The following ADAMTS17 variants were observed in gnomAD, a reference collection of about 807,000 sequenced individuals.
ADAMTS17 encodes the protein ADAM metallopeptidase with thrombospondin type 1 motif 17, also known as A disintegrin and metalloproteinase with thrombospondin motifs 17.
Under a neutral mutation model 141.5 loss-of-function variants are expected in ADAMTS17, and 113 were observed. The ratio of observed to expected loss-of-function variants is 0.80; its 90% CI spans 0.69 to 0.93. ADAMTS17 has a LOEUF of 0.93. Ranked by LOEUF, ADAMTS17 falls within the 40% of genes least tolerant of loss-of-function variation. The probability of loss-of-function intolerance (pLI) is 0.00; values close to 1 mark genes in which losing one functional copy is unlikely to be tolerated. For synonymous variants in ADAMTS17, 768 were observed against 630.6 expected (o/e 1.22, Z -3.27); for missense variants, 1,659 against 1,517.9 (o/e 1.09, Z -1.54).
chr15:100,147,232 C>T (rs1374932910), intron 10 of ADAMTS17, among the ~76,000 whole-genome samples: 2 of 152,114 alleles, frequency 1.3e-5, no homozygotes, highest in Non-Finnish European at 2.9e-5. Flanking sequence ...TGTACTCTGT[C>T]CCCTTATTTC....
intron 8 of ADAMTS17, among the ~76,000 whole-genome samples, chr15:100,178,621 G>C (rs1170904215): frequency 7.2e-5 from 11 of 152,068 alleles, no homozygotes; most frequent in Middle Eastern, 3.4e-3. Flanking sequence ...TACCCATTCT[G>C]TTGTTTTTTA....
intron 7 of ADAMTS17, among the ~76,000 whole-genome samples, chr15:100,239,017 G>C (rs2042745186): frequency 6.6e-6 from 1 of 152,208 alleles, no homozygotes; most frequent in South Asian, 2.1e-4. Context: ...CTTGAACCAG[G>C]AGATGGAGCT....
chr15:100,202,378 G>A (rs72755250), intron 7 of ADAMTS17, among the ~76,000 whole-genome samples: 1,688 of 152,274 alleles, frequency 0.011, 19 homozygotes, highest in Non-Finnish European at 0.018. Flanking sequence ...GTGGATCAAG[G>A]TCGAGTGCTT....
intron 19 of ADAMTS17, among the ~76,000 whole-genome samples, chr15:99,995,991 T>C (rs757383320): frequency 6.6e-6 from 1 of 151,990 alleles, no homozygotes; most frequent in Non-Finnish European, 1.5e-5. Flanking sequence ...GCTGTAATGA[T>C]AATTGATGAT....
Position 100,066,407 on chromosome 15 carries a change from C to T in ADAMTS17, c.2138-12353G>A, listed in dbSNP as rs113175096. ...ATTTTTTTTTTTAAATTATTTCATA[C>T]ATGTGGTGTTTGCTTAGTTTTACAT... On this transcript the variant is annotated intron_variant, in intron 15 of 21. Transcript: ENST00000268070. Among the ~76,000 whole-genome samples the T allele has an allele frequency of 7.5e-3, 1,140 of 151,788 alleles. 13 individuals carry two copies. Among genetic ancestry groups the T allele is most frequent in the African/African-American group, 0.026 (1,088 of 41,356 alleles).
At chr15:100,246,971 T>C (rs1381179951) in intron 7 of ADAMTS17, among the ~76,000 whole-genome samples, 2 of 152,060 alleles carry the variant, frequency 1.3e-5, no homozygotes, top group East Asian at 3.9e-4. Flanking sequence ...GCAACCTCCA[T>C]CTCCCAGGTT....
chr15:100,137,379 TA>T (rs1325449806), intron 10 of ADAMTS17, among the ~76,000 whole-genome samples: 3 of 152,108 alleles, frequency 2.0e-5, no homozygotes, highest in Non-Finnish European at 4.4e-5. Context: ...ATATAACAGA[TA>T]AAATGTGAAA....
rs532990849 is a variant in ADAMTS17, at chr15:100,081,695, C to T, written c.2137+14661G>A. 2.0e-5 allele frequency among the ~76,000 whole-genome samples: 3 copies of T among 152,288 alleles called. No homozygotes were observed. The East Asian group carries it at 5.8e-4, about 29-fold the overall frequency. On this transcript the variant is annotated intron_variant, in intron 15 of 21. Transcript: ENST00000268070. Reference sequence around the variant, plus strand: ...ACTATTTAAGCCAACCAACACTATACGAGAGTAAACGTTTACTCAAAGATT... The same window carrying T: ...ACTATTTAAGCCAACCAACACTATATGAGAGTAAACGTTTACTCAAAGATT...
At chr15:100,047,233 C>T (rs6598292) in intron 18 of ADAMTS17, among the ~76,000 whole-genome samples, 19,717 of 111,572 alleles carry the variant, frequency 0.18, 2,124 homozygotes, top group East Asian at 0.33. Flanking sequence ...CCTGATAAGA[C>T]GTTATCAATG....
At chr15:100,132,242 A>C in intron 11 of ADAMTS17, 90 bp from the exon 12 acceptor site, 1 of 1,519,278 alleles carries the variant, frequency 6.6e-7, no homozygotes, top group Non-Finnish European at 8.9e-7. Context: ...TGCTGCCAAA[A>C]ACCCATTTGC....
intron 8 of ADAMTS17, among the ~76,000 whole-genome samples, chr15:100,165,313 T>A (rs1285084768): frequency 6.6e-6 from 1 of 152,196 alleles, no homozygotes; most frequent in Non-Finnish European, 1.5e-5. Context: ...TGGCTTGACA[T>A]GAAAGCAGCA....
intron 16 of ADAMTS17, among the ~76,000 whole-genome samples, chr15:100,053,589 C>G (rs941569491): frequency 6.6e-6 from 1 of 152,170 alleles, no homozygotes; most frequent in African/African-American, 2.4e-5. Flanking sequence ...GGCCAAGTCT[C>G]CCTGGCTGCC....
At chr15:100,103,666 C>G (rs1189687615) in intron 14 of ADAMTS17, among the ~76,000 whole-genome samples, 2 of 152,062 alleles carry the variant, frequency 1.3e-5, no homozygotes, top group Non-Finnish European at 2.9e-5. Context: ...GCAACCTCCA[C>G]TGCCCGGGTT....
intron 20 of ADAMTS17, chr15:99,978,927 G>C (rs2060424057): frequency 6.6e-6 from 1 of 152,258 alleles, no homozygotes; most frequent in Admixed American, 6.5e-5. Context: ...TCAGGTCCCT[G>C]TGGAGAATGC....
At chr15:100,233,076 C>G (rs914908361) in intron 7 of ADAMTS17, among the ~76,000 whole-genome samples, 4 of 152,142 alleles carry the variant, frequency 2.6e-5, no homozygotes, top group African/African-American at 9.7e-5. Context: ...CGCCTATAAT[C>G]CTAGCACTTT....
rs148306597 is a variant in ADAMTS17 at position 100,174,928 on chromosome 15, T to C, written c.1182-19608A>G. On this transcript the variant is annotated intron_variant, in intron 8 of 21. Coordinates refer to ENST00000268070, the MANE Select transcript of ADAMTS17 (RefSeq NM_139057.4). ...AAATGTAAAAGGAAAAGGTGTTCCA[T>C]ACAAAAAAGCCTCCCAGTGTCAATA... Among the ~76,000 whole-genome samples the C allele has an allele frequency of 4.6e-5, 7 of 152,278 alleles. No homozygotes were observed. In the East Asian group the frequency reaches 7.7e-4, roughly 17 times the overall value.
chr15:100,172,840 C>G (rs1268137044), intron 8 of ADAMTS17, among the ~76,000 whole-genome samples: 1 of 152,230 alleles, frequency 6.6e-6, no homozygotes, highest in Non-Finnish European at 1.5e-5. Flanking sequence ...GTAAATTTGC[C>G]TTGCTGAGAA....
At chr15:100,168,789 G>A (rs182891524) in intron 8 of ADAMTS17, 2 of 152,366 alleles carry the variant, frequency 1.3e-5, no homozygotes, top group Admixed American at 6.5e-5. Context: ...AAGCTCTGCG[G>A]GTTGGGGGAT....
At chr15:100,322,780 C>T (rs148370842) in intron 3 of ADAMTS17, among the ~76,000 whole-genome samples, 2 of 152,274 alleles carry the variant, frequency 1.3e-5, no homozygotes, top group Non-Finnish European at 2.9e-5. Flanking sequence ...CCACATTCTC[C>T]ATTGTTATAC....
Sources: gnomAD v4.1 joint callset for allele counts (sites outside exome capture counted in the v4.1 genomes callset) on GRCh38, gnomAD v4.1.1 for gene constraint, MANE v1.5 for transcripts, NCBI Gene and HGNC (gene_info 2026-07-23, HGNC 2026-07-21) for gene names.